The following PAFAH1B1 variants were observed in gnomAD, a reference collection of about 807,000 sequenced individuals.
PAFAH1B1 encodes platelet-activating factor acetylhydrolase IB subunit beta.
PAFAH1B1 carries 2 observed loss-of-function variants against 57.5 expected under a neutral mutation model. The observed-to-expected ratio is 0.03, with a 90% CI of 0.01 to 0.11. The LOEUF is 0.11. PAFAH1B1 is among the 10% of genes least tolerant of loss of function. PAFAH1B1 has a pLI of 1.00. For synonymous variants in PAFAH1B1, 152 were observed against 169.6 expected (o/e 0.90, Z 0.81); for missense variants, 257 against 512.0 (o/e 0.50, Z 4.81).
chr17:2,599,259 G>A (rs1450642049), intron 1 of PAFAH1B1, among the ~76,000 whole-genome samples: 2 of 152,116 alleles, frequency 1.3e-5, no homozygotes, highest in African/African-American at 2.4e-5. Flanking sequence ...TTTTCCTGTC[G>A]AATGTTAGGT....
chr17:2,628,636 T>C (rs2068521216), intron 1 of PAFAH1B1, among the ~76,000 whole-genome samples: 1 of 152,156 alleles, frequency 6.6e-6, no homozygotes, highest in Non-Finnish European at 1.5e-5. Context: ...TCTTTCTCTG[T>C]CTTGTGGAAT....
At chr17:2,614,526 A>G (rs2068313185) in intron 1 of PAFAH1B1, among the ~76,000 whole-genome samples, 1 of 152,202 alleles carries the variant, frequency 6.6e-6, no homozygotes. Context: ...ACAACATCCC[A>G]GGAAGACTAG....
chr17:2,594,655 G>A (rs1369032477), intron 1 of PAFAH1B1, among the ~76,000 whole-genome samples: 4 of 152,134 alleles, frequency 2.6e-5, no homozygotes, highest in South Asian at 2.1e-4. Context: ...GAGGCAGCCC[G>A]GCCCACCGAG....
Position 2,684,400 on chromosome 17 carries a change from A to G in PAFAH1B1, c.*2598A>G, listed in dbSNP as rs1353501409. ...TGATGAGGTTACTGGTTTGGATTGTAAGTAGAGGACTTTTATTAATTGGTT... is the reference window on the plus strand; with the variant it reads ...TGATGAGGTTACTGGTTTGGATTGTGAGTAGAGGACTTTTATTAATTGGTT... On this transcript the variant is annotated 3_prime_UTR_variant, in exon 11 of 11. Transcript: ENST00000397195. 1 of 152,592 alleles carries G rather than the reference A, an allele frequency of 6.6e-6. No individual in the cohort carries two copies. The highest frequency in any genetic ancestry group is 2.1e-4 in the South Asian group (1 of 4,828). 9.5% of individuals were successfully genotyped at this position (152,592 alleles called of 1,614,324 possible). A position where few individuals can be genotyped will look rare whatever the true frequency, so the allele number is the denominator to read the frequency against.
At chr17:2,663,413 G>T (rs897705247) in intron 2 of PAFAH1B1, among the ~76,000 whole-genome samples, 1 of 151,962 alleles carries the variant, frequency 6.6e-6, no homozygotes, top group Admixed American at 6.6e-5. Context: ...TTTGAGAGAG[G>T]GTCTTGCTCT....
chr17:2,625,811 A>T (rs1320883802), intron 1 of PAFAH1B1, among the ~76,000 whole-genome samples: 1 of 152,084 alleles, frequency 6.6e-6, no homozygotes, highest in African/African-American at 2.4e-5. Flanking sequence ...GGTGGCATGC[A>T]TCTGTTGTCC....
In PAFAH1B1 at chr17:2,613,843, G is replaced by T. The variant is rs1241384974; in HGVS notation, c.-191+19837G>T. On this transcript the variant is annotated intron_variant, in intron 1 of 10. Transcript: ENST00000397195. The stretch of plus-strand genomic sequence containing the variant: ...ACTCGGGCAGGGGCAGGAATCCGTA[G>T]CCTGGGATCTGGCACAGAGGTGAGG... The T allele has an allele frequency of 4.7e-5, 12 of 254,914 alleles. No homozygotes were observed. In the South Asian group the frequency reaches 5.4e-4, roughly 11 times the overall value. The allele number at this position is 254,914 out of a possible 1,614,324, so 15.8% of individuals were successfully genotyped here.
intron 2 of PAFAH1B1, among the ~76,000 whole-genome samples, chr17:2,644,574 A>G (rs889656821): frequency 6.6e-6 from 1 of 152,196 alleles, no homozygotes; most frequent in East Asian, 1.9e-4. Context: ...AAACAGTTGT[A>G]TATGTAGTAC....
At chr17:2,605,362 C>T (rs1425591463) in intron 1 of PAFAH1B1, among the ~76,000 whole-genome samples, 2 of 152,238 alleles carry the variant, frequency 1.3e-5, no homozygotes, top group Non-Finnish European at 2.9e-5. Context: ...GATAAATGTT[C>T]CTGAACCACA....
chr17:2,655,183 ATGTG>A (rs34493806), intron 2 of PAFAH1B1, among the ~76,000 whole-genome samples: 2,148 of 143,766 alleles, frequency 0.015, 39 homozygotes, highest in African/African-American at 0.043. Context: ...ATATACATAT[ATGTG>A]TGTGTGTGTG....
chr17:2,618,277 G>C lies in PAFAH1B1; in HGVS notation c.-190-19822G>C, dbSNP rs531968101. ...CAAACCAAACTTTCATTTATCATTT[G>C]TAATAGTGTGAATGGGAAAAGTCTA... On this transcript the variant is annotated intron_variant, in intron 1 of 10. Transcript: ENST00000397195. Among the ~76,000 whole-genome samples the C allele has an allele frequency of 3.9e-5, 6 of 152,252 alleles. No individual in the cohort carries two copies. In the South Asian group the frequency reaches 1.2e-3, roughly 32 times the overall value.
intron 10 of PAFAH1B1, 148 bp downstream of exon 10, chr17:2,680,468 A>G (rs912589955): frequency 2.6e-6 from 2 of 766,990 alleles, no homozygotes; most frequent in Admixed American, 1.9e-5. Context: ...GTGGATTCCT[A>G]CCATTTGTTT....
At chr17:2,667,313 G>A (rs1222777523) in intron 5 of PAFAH1B1, 115 bp downstream of exon 5, 18 of 747,208 alleles carry the variant, frequency 2.4e-5, no homozygotes, top group South Asian at 1.6e-4. Context: ...CAGCCTGGGC[G>A]ACAGAGCCAC....
At position 2,621,607 on chromosome 17, in the gene PAFAH1B1, CTTTTTTTTTTTT is replaced by C. The variant is rs534219431; in HGVS notation, c.-190-16467_-190-16456del. On this transcript the variant is annotated intron_variant, in intron 1 of 10. Coordinates refer to ENST00000397195, the MANE Select transcript of PAFAH1B1 (RefSeq NM_000430.4). Reference sequence around the variant, plus strand: ...TATTCAAGCATGGTAGATAATCTGTCTTTTTTTTTTTTTTTTTTTTTTTTTTTTTTTTTTTTG... The same window carrying C: ...TATTCAAGCATGGTAGATAATCTGTCTTTTTTTTTTTTTTTTTTTTTTTTG... Among the ~76,000 whole-genome samples, 110 of 84,780 alleles carry C rather than the reference CTTTTTTTTTTTT, an allele frequency of 1.3e-3. 2 individuals carry two copies. The East Asian group carries it at 0.028, about 21-fold the overall frequency. The allele number at this position is 84,780 out of a possible 152,430, so 55.6% of individuals were successfully genotyped here. A position where few individuals can be genotyped will look rare whatever the true frequency, so the allele number is the denominator to read the frequency against.
rs752398220 is a variant in PAFAH1B1 at position 2,633,961 on chromosome 17, C to CTTGTT, written c.-190-4136_-190-4135insGTTTT. Among the ~76,000 whole-genome samples the CTTGTT allele has an allele frequency of 3.3e-5, 4 of 119,746 alleles. No homozygotes were observed. In the East Asian group the frequency reaches 1.0e-3, roughly 31 times the overall value. The allele number at this position is 119,746 out of a possible 152,430, so 78.6% of individuals were successfully genotyped here. ...CATTTCTAAATAAAAAGTACCAAAC[C>CTTGTT]TTTTTTTTTTTTTTTTTTTTTTAAT... On this transcript the variant is annotated intron_variant, in intron 1 of 10. Coordinates refer to ENST00000397195, the MANE Select transcript of PAFAH1B1 (RefSeq NM_000430.4).
At chr17:2,643,856 G>A (rs2068730181) in intron 2 of PAFAH1B1, among the ~76,000 whole-genome samples, 1 of 151,662 alleles carries the variant, frequency 6.6e-6, no homozygotes, top group African/African-American at 2.4e-5. Context: ...CACCGTGCCC[G>A]GCCCACACCT....
chr17:2,632,564 G>A (rs1292329129), intron 1 of PAFAH1B1, among the ~76,000 whole-genome samples: 4 of 152,022 alleles, frequency 2.6e-5, no homozygotes, highest in South Asian at 2.1e-4. Context: ...GTTCTTTAAC[G>A]TACAGTTGGC....
At chr17:2,624,882 T>C (rs1228823150) in intron 1 of PAFAH1B1, among the ~76,000 whole-genome samples, 1 of 152,188 alleles carries the variant, frequency 6.6e-6, no homozygotes, top group Non-Finnish European at 1.5e-5. Flanking sequence ...AAGTGACAGT[T>C]TGAGGTTAGG....
At chr17:2,651,413 CA>C (rs1157501996) in intron 2 of PAFAH1B1, among the ~76,000 whole-genome samples, 8,810 of 53,362 alleles carry the variant, frequency 0.17, 294 homozygotes, top group African/African-American at 0.23. Flanking sequence ...CCCGTCTCTA[CA>C]AAAAAAAAAA....
Sources: gnomAD v4.1 joint callset for allele counts (sites outside exome capture counted in the v4.1 genomes callset) on GRCh38, gnomAD v4.1.1 for gene constraint, MANE v1.5 for transcripts, NCBI Gene and HGNC (gene_info 2026-07-23, HGNC 2026-07-21) for gene names.